Variants in MMP26 observed in about 807,000 individuals in gnomAD.
The protein encoded by MMP26 is matrix metallopeptidase 26, also known as matrix metalloproteinase-26.
A neutral mutation model predicts 31.0 loss-of-function variants in MMP26; 33 were observed. The ratio of observed to expected loss-of-function variants is 1.06; its 90% CI spans 0.81 to 1.42. The LOEUF (loss-of-function observed/expected upper bound fraction) is 1.42, where lower values mean the gene tolerates loss of function less well. MMP26 is among the 40% of genes most tolerant of loss of function. MMP26 has a pLI of 0.00. For synonymous variants in MMP26, 122 were observed against 114.9 expected (o/e 1.06, Z -0.40); for missense variants, 347 against 316.1 (o/e 1.10, Z -0.74).
intron 1 of MMP26, among the ~76,000 whole-genome samples, chr11:4,746,397 A>G (rs1057410747): frequency 6.6e-6 from 1 of 152,308 alleles, no homozygotes; most frequent in South Asian, 2.1e-4. Context: ...TTTTTAAATT[A>G]TATCTTTGCA....
chr11:4,947,428 T>A, intron 2 of MMP26: 1 of 204,776 alleles, frequency 4.9e-6, no homozygotes, highest in Non-Finnish European at 9.8e-6. Flanking sequence ...GTCAATTAAC[T>A]GGAATCTTCT....
intron 1 of MMP26, among the ~76,000 whole-genome samples, chr11:4,754,507 C>T (rs775114650): frequency 8.6e-5 from 13 of 151,790 alleles, no homozygotes; most frequent in African/African-American, 3.1e-4. Context: ...CAAATTAATC[C>T]GTTGTGGAAA....
chr11:4,706,595 AAAAAGAC>A (rs1847782485), intron 1 of MMP26, among the ~76,000 whole-genome samples: 2 of 127,202 alleles, frequency 1.6e-5, no homozygotes, highest in African/African-American at 8.3e-5. Context: ...AAAAAAAAAA[AAAAAGAC>A]AGAAAGAAAG....
chr11:4,753,647 GA>G (rs1479930878), intron 1 of MMP26, among the ~76,000 whole-genome samples: 1 of 152,026 alleles, frequency 6.6e-6, no homozygotes, highest in Non-Finnish European at 1.5e-5. Context: ...GACTAATTGT[GA>G]TTTGGAATCT....
At chr11:4,848,686 G>A (rs751897505) in intron 2 of MMP26, 3 of 1,614,050 alleles carry the variant, frequency 1.9e-6, no homozygotes, top group South Asian at 1.1e-5. Flanking sequence ...AGGCAGTAGG[G>A]CATGTAGGCC....
At chr11:4,804,560 A>G (rs1261177477) in intron 2 of MMP26, 3 of 776,542 alleles carry the variant, frequency 3.9e-6, no homozygotes, top group East Asian at 2.5e-5. Flanking sequence ...ATGTTACAAC[A>G]TGACATGATG....
At chr11:4,773,668 A>T (rs1389361409) in intron 2 of MMP26, among the ~76,000 whole-genome samples, 1 of 147,662 alleles carries the variant, frequency 6.8e-6, no homozygotes, top group Non-Finnish European at 1.5e-5. Context: ...CATGTGCAGG[A>T]TGTGCAGGTT....
chr11:4,821,796 T>C (rs1416538153), intron 2 of MMP26: 1 of 1,613,148 alleles, frequency 6.2e-7, no homozygotes, highest in Non-Finnish European at 8.5e-7. Flanking sequence ...TTGATCGTTT[T>C]GTGGCCATCT....
chr11:4,722,471 T>C (rs984927105), intron 1 of MMP26, among the ~76,000 whole-genome samples: 1 of 3,424 alleles, frequency 2.9e-4, no homozygotes, highest in Non-Finnish European at 8.7e-4. Flanking sequence ...AAGTAATTAC[T>C]TTTTTTTTTT....
At chr11:4,791,835 G>A (rs1849032448) in intron 2 of MMP26, among the ~76,000 whole-genome samples, 1 of 151,928 alleles carries the variant, frequency 6.6e-6, no homozygotes, top group African/African-American at 2.4e-5. Context: ...CTGCTTCCCA[G>A]TAGGAATCAC....
intron 2 of MMP26, among the ~76,000 whole-genome samples, chr11:4,821,088 T>C (rs900831028): frequency 6.6e-5 from 10 of 152,192 alleles, no homozygotes; most frequent in African/African-American, 2.4e-4. Context: ...TCTCATAATA[T>C]TGTTTAGGAA....
At position 4,881,922 on chromosome 11, in the gene MMP26, C is replaced by G. The variant is rs201278079; in HGVS notation, c.-144-106146C>G. ...ACCATGGCAATATTCAATAACACCACTTCGTCTTCCTCAAACTTCCTCCTC... is the reference window on the plus strand; with the variant it reads ...ACCATGGCAATATTCAATAACACCAGTTCGTCTTCCTCAAACTTCCTCCTC... On this transcript the variant is annotated intron_variant, in intron 2 of 7. Coordinates refer to ENST00000380390, the MANE Select transcript of MMP26 (RefSeq NM_021801.5). 5 of 1,613,216 alleles carry G rather than the reference C, an allele frequency of 3.1e-6. No individual in the cohort carries two copies. Among genetic ancestry groups the G allele is most frequent in the Non-Finnish European group, 4.2e-6 (5 of 1,179,268 alleles).
chr11:4,782,399 C>T (rs550436416), intron 2 of MMP26, among the ~76,000 whole-genome samples: 1 of 152,276 alleles, frequency 6.6e-6, no homozygotes, highest in Admixed American at 6.5e-5. Flanking sequence ...AAACTTTGAA[C>T]TTAACAGAGA....
At chr11:4,845,153 T>C (rs907992133) in intron 2 of MMP26, among the ~76,000 whole-genome samples, 3 of 152,150 alleles carry the variant, frequency 2.0e-5, no homozygotes, top group African/African-American at 7.2e-5. Flanking sequence ...TAATCTCATT[T>C]ACAATAGCCA....
At chr11:4,922,033 A>G (rs927002545) in intron 2 of MMP26, among the ~76,000 whole-genome samples, 2 of 152,128 alleles carry the variant, frequency 1.3e-5, no homozygotes, top group African/African-American at 2.4e-5. Context: ...ACCAGTGTTT[A>G]TTATTTCGAA....
chr11:4,843,495 G>A (rs905709850), intron 2 of MMP26, among the ~76,000 whole-genome samples: 3 of 152,222 alleles, frequency 2.0e-5, no homozygotes, highest in African/African-American at 4.8e-5. Flanking sequence ...GGAATAGTCC[G>A]AGCTGTACCT....
intron 2 of MMP26, among the ~76,000 whole-genome samples, chr11:4,801,504 TTTTA>T (rs141208345): frequency 0.079 from 10,693 of 135,376 alleles, 522 homozygotes; most frequent in Admixed American, 0.12. Flanking sequence ...GTCCCGGACT[TTTTA>T]TTTATTTATT....
chr11:4,849,041 G>A (rs146540688), intron 2 of MMP26: 2 of 1,614,090 alleles, frequency 1.2e-6, no homozygotes, highest in Non-Finnish European at 1.7e-6. Flanking sequence ...GCAGGGCAAT[G>A]ATCCAGAGGA....
intron 2 of MMP26, among the ~76,000 whole-genome samples, chr11:4,798,932 T>C (rs997026666): frequency 6.6e-6 from 1 of 152,196 alleles, no homozygotes; most frequent in Non-Finnish European, 1.5e-5. Flanking sequence ...CATCACAGTT[T>C]GGTTCTAAGT....
Sources: gnomAD v4.1 joint callset for allele counts (sites outside exome capture counted in the v4.1 genomes callset) on GRCh38, gnomAD v4.1.1 for gene constraint, MANE v1.5 for transcripts, NCBI Gene and HGNC (gene_info 2026-07-23, HGNC 2026-07-21) for gene names.